DVL1: variants seen among roughly 807,000 people sequenced by gnomAD.
The protein encoded by DVL1 is dishevelled segment polarity protein 1.
A neutral mutation model predicts 65.0 loss-of-function variants in DVL1; 49 were observed. That is an observed-to-expected ratio of 0.75 (90% CI 0.60 to 0.96). DVL1 has a LOEUF of 0.96. Ranked by LOEUF, DVL1 falls within the 40% of genes least tolerant of loss-of-function variation. The pLI, the probability that DVL1 is intolerant of heterozygous loss-of-function variation, is 0.00. For synonymous variants in DVL1, 608 were observed against 433.9 expected, an observed-to-expected ratio of 1.40 and a Z score of -4.99; for missense variants, 1,197 against 1,045.4, an observed-to-expected ratio of 1.15 and a Z score of -2.00.
chr1:1,341,999 T>G, intron 4 of DVL1, 54 bp downstream of exon 4: 4 of 1,498,832 alleles, frequency 2.7e-6, no homozygotes, highest in Non-Finnish European at 3.6e-6. Context: ...ACATGGCTCA[T>G]GGGGGTCCCA....
In DVL1 at chr1:1,338,118, G is replaced by A; in HGVS notation, c.1573C>T (p.Leu525=). The change falls in exon 14 of 15, where the codon CTG becomes TTG. Residue 525 remains leucine (L), a synonymous_variant. Coordinates refer to ENST00000378888, the MANE Select transcript of DVL1 (RefSeq NM_001330311.2). The part of the protein sequence containing the change: ...GTSDQDTLAP[L]PHPAAPWPLG... Reference sequence around the variant, plus strand: ...GGCCAGGGGGCAGCCGGGTGGGGCAGCGGGGCCAGCGTGTCCTGATCCGAA... The same window carrying A: ...GGCCAGGGGGCAGCCGGGTGGGGCAACGGGGCCAGCGTGTCCTGATCCGAA... The A allele has an allele frequency of 6.2e-7, 1 of 1,609,670 alleles. No homozygotes were observed. Among genetic ancestry groups the A allele is most frequent in the Non-Finnish European group, 8.5e-7 (1 of 1,178,718 alleles).
chr1:1,344,010 C>T (rs1417453691), intron 1 of DVL1, among the ~76,000 whole-genome samples: 1 of 152,104 alleles, frequency 6.6e-6, no homozygotes, highest in Non-Finnish European at 1.5e-5. Context: ...CCGGGTGACC[C>T]GAGCTCAGAG....
intron 5 of DVL1, among the ~76,000 whole-genome samples, chr1:1,341,226 TGCACACAC>T (rs1643812364): frequency 6.7e-6 from 1 of 150,150 alleles, no homozygotes; most frequent in Admixed American, 6.6e-5. Context: ...CACGCACACA[TGCACACAC>T]CTGCGCACAC....
Position 1,336,187 on chromosome 1 carries a change from C to T in DVL1, c.2043G>A (p.Gln681=), listed in dbSNP as rs1432594238. The T allele has an allele frequency of 6.4e-7, 1 of 1,570,632 alleles. No individual in the cohort carries two copies. Among genetic ancestry groups the T allele is most frequent in the Admixed American group, 1.8e-5 (1 of 55,922 alleles). ...PELTGSRQSF[Q]KAMGNPCEFF... is the part of the protein sequence containing the mutation. Reference sequence around the variant, plus strand: ...ACTCGCAGGGGTTCCCCATAGCCTTCTGGAAGGACTGGCGGCTGCCTGTCA... The same window carrying T: ...ACTCGCAGGGGTTCCCCATAGCCTTTTGGAAGGACTGGCGGCTGCCTGTCA... Residue 681 remains glutamine, a synonymous_variant, in exon 15 of 15, where the codon CAG becomes CAA. Transcript: ENST00000378888.
intron 14 of DVL1, chr1:1,337,670 C>A (rs1643623174): frequency 1.8e-6 from 1 of 558,018 alleles, no homozygotes; most frequent in Non-Finnish European, 3.3e-6. Flanking sequence ...TCATCCCAAT[C>A]CCACCCAGAT....
intron 5 of DVL1, among the ~76,000 whole-genome samples, chr1:1,341,212 CGCACACGCACACAT>C (rs1269949335): frequency 2.7e-5 from 4 of 150,390 alleles, no homozygotes; most frequent in East Asian, 3.9e-4. Flanking sequence ...CCTGCACACA[CGCACACGCACACAT>C]GCACACACCT....
chr1:1,341,154 TACACCTGTACAAGC>T (rs1348967620), intron 5 of DVL1, among the ~76,000 whole-genome samples: 2 of 115,452 alleles, frequency 1.7e-5, no homozygotes, highest in African/African-American at 3.5e-5. Context: ...CACCTTCACA[TACACCTGTACAAGC>T]ACACCTGCAC....
intron 11 of DVL1, 103 bp downstream of exon 11, chr1:1,339,184 T>C: frequency 6.9e-7 from 1 of 1,450,424 alleles, no homozygotes; most frequent in South Asian, 1.3e-5. Flanking sequence ...AACACACACG[T>C]GTCACAGCCC....
At chr1:1,345,170 C>T (rs1643898561) in intron 1 of DVL1, among the ~76,000 whole-genome samples, 1 of 152,142 alleles carries the variant, frequency 6.6e-6, no homozygotes, top group African/African-American at 2.4e-5. Context: ...CACGAAGACC[C>T]CAGGCTGCCT....
chr1:1,342,669 G>A lies in DVL1; in HGVS notation c.240+20C>T, dbSNP rs1180687868. The A allele has an allele frequency of 6.2e-7, 1 of 1,611,976 alleles. No individual in the cohort carries two copies. Among genetic ancestry groups the A allele is most frequent in the Non-Finnish European group, 8.5e-7 (1 of 1,179,334 alleles). ...AATGCTCCCCAGGCGAGCCTTCGGG[G>A]CCAAGACACAGGGGCTCACCCAGGA... On this transcript the variant is annotated intron_variant, in intron 2 of 14. Transcript: ENST00000378888.
rs1254173219 is a variant in DVL1, at chr1:1,340,744, CTGCACACA to C, written c.606-249_606-242del. Among the ~76,000 whole-genome samples the C allele has an allele frequency of 5.3e-5, 8 of 150,886 alleles. No individual in the cohort carries two copies. The South Asian group carries it at 6.3e-4, about 12-fold the overall frequency. ...GTAGCCAGATCCACTACTGACACAC[CTGCACACA>C]TGCACACCTGCACACACATGCACAC... is the stretch of plus-strand genomic sequence containing the variant. On this transcript the variant is annotated intron_variant, in intron 5 of 14. Transcript: ENST00000378888.
chr1:1,340,299 G>C lies in DVL1; in HGVS notation c.717C>G (p.Ser239Arg). The C allele has an allele frequency of 6.2e-7, 1 of 1,613,974 alleles. No homozygotes were observed. The highest frequency in any genetic ancestry group is 8.5e-7 in the Non-Finnish European group (1 of 1,179,986). ...RQADRASSFS[S>R]ITDSTMSLNI... The stretch of plus-strand genomic sequence containing the variant: ...TGAGGGACATGGTGGAGTCGGTTAT[G>C]CTGCTGAAGGAGGAGGCCTATGGAG... Residue 239 changes from serine (S) to arginine (R), a missense_variant, in exon 7 of 15, where the codon AGC (serine) becomes AGG (arginine). Coordinates refer to ENST00000378888, the MANE Select transcript of DVL1 (RefSeq NM_001330311.2).
rs759331704 is a variant in DVL1 at position 1,338,276 on chromosome 1, G to A, written c.1500C>T (p.Leu500=). Residue 500 remains leucine, a synonymous_variant, in exon 13 of 15, where the codon CTC becomes CTT. Transcript: ENST00000378888. ...CCCGAAGCCCCCACTCACTGCTGCA[G>A]AGATCCCCGAAGACGTAGTAGCACT... ...SEQCYYVFGD[L]CSNLATLNLN... The A allele has an allele frequency of 5.7e-5, 89 of 1,561,878 alleles. No individual in the cohort carries two copies. Among genetic ancestry groups the A allele is most frequent in the South Asian group, 2.3e-4 (21 of 89,698 alleles).
Position 1,348,948 on chromosome 1 carries a change from G to C in DVL1, c.118C>G (p.Arg40Gly). ...AAGAATTTGTAGGCGTGCACGGGCC[G>C]GTTGCTGAGCACGTTCTTGAAGTCG... ...LADFKNVLSN[R>G]PVHAYKFFFK... Residue 40 changes from arginine (R) to glycine (G), a missense_variant, in exon 1 of 15, where the codon CGG becomes GGG. Transcript: ENST00000378888. 1.9e-6 allele frequency: 3 copies of C among 1,574,644 alleles called. No individual in the cohort carries two copies. The South Asian group carries it at 3.3e-5, about 17-fold the overall frequency.
chr1:1,338,229 T>TGGCCCCCCCCCCCCCCCCCCC, intron 13 of DVL1, 40 bp downstream of exon 13: 1 of 1,522,366 alleles, frequency 6.6e-7, no homozygotes, highest in Non-Finnish European at 9.0e-7. Flanking sequence ...CCTCCGGCGT[T>TGGCCCCCCCCCCCCCCCCCCC]CCCCTCCCCC....
At chr1:1,337,769 T>C (rs1643627404) in intron 14 of DVL1, 1 of 702,258 alleles carries the variant, frequency 1.4e-6, no homozygotes, top group Admixed American at 2.0e-5. Flanking sequence ...ACTTGCCTTT[T>C]CCAGAAGGAG....
Position 1,336,475 on chromosome 1 carries a change from G to GGCCCGGC in DVL1, c.1748_1754dup (p.Arg588ProfsTer4). 1 of 1,551,620 alleles carries GGCCCGGC rather than the reference G, an allele frequency of 6.4e-7. No individual in the cohort carries two copies. The highest frequency in any genetic ancestry group is 8.6e-7 in the Non-Finnish European group (1 of 1,157,870). ...CCCGACGCTCCTTCTCACGGCCCGG[G>GGCCCGGC]GCCCGGCGGCTGCTCCGGGTGGACC... On this transcript the variant is annotated frameshift_variant, in exon 15 of 15. Transcript: ENST00000378888. LOFTEE classifies it low-confidence loss of function (END_TRUNC).
At chr1:1,340,984 G>C (rs1203023387) in intron 5 of DVL1, among the ~76,000 whole-genome samples, 1 of 126,594 alleles carries the variant, frequency 7.9e-6, no homozygotes, top group Non-Finnish European at 1.6e-5. Context: ...AGGCACACAT[G>C]CACACCTGCA....
rs1643674666 is a variant in DVL1 at position 1,338,625 on chromosome 1, C to G, written c.1236G>C (p.Lys412Asn). 1.2e-6 allele frequency: 2 copies of G among 1,611,490 alleles called. No individual in the cohort carries two copies. Among genetic ancestry groups the G allele is most frequent in the Non-Finnish European group, 1.7e-6 (2 of 1,179,830 alleles). ...PQLEEAPLTV[K>N]SDMSAVVRVM... ...CCCGGACGACGGCGCTCATGTCACT[C>G]TTCACCGTCAGCGGCGCCTCTTCCA... The change falls in exon 12 of 15, where the codon AAG (lysine) becomes AAC (asparagine). Residue 412 changes from lysine to asparagine, a missense_variant. Transcript: ENST00000378888.
Sources: gnomAD v4.1 joint callset for allele counts (sites outside exome capture counted in the v4.1 genomes callset) on GRCh38, gnomAD v4.1.1 for gene constraint, MANE v1.5 for transcripts, NCBI Gene and HGNC (gene_info 2026-07-23, HGNC 2026-07-21) for gene names.